ARHGAP6: variants seen among roughly 807,000 people sequenced by gnomAD.
ARHGAP6 encodes the protein rho GTPase-activating protein 6.
In ARHGAP6, 16 loss-of-function variants were observed where a neutral mutation model predicts 55.7. The observed-to-expected ratio is 0.29, with a 90% confidence interval of 0.19 to 0.44. The LOEUF (loss-of-function observed/expected upper bound fraction) is 0.44. Among genes scored for constraint, ARHGAP6 ranks in the 20% least tolerant of loss-of-function variants. The probability of loss-of-function intolerance (pLI) is 1.00; values close to 1 mark genes in which losing one functional copy is unlikely to be tolerated. For missense variants in ARHGAP6, 698 were observed against 808.9 expected, an observed-to-expected ratio of 0.86 and a Z score of 1.66; for synonymous variants, 382 against 360.9, an observed-to-expected ratio of 1.06 and a Z score of -0.66.
At chrX:11,287,442 T>C (rs1310210028) in intron 1 of ARHGAP6, among the ~76,000 whole-genome samples, 2 of 111,718 alleles carry the variant, frequency 1.8e-5, no homozygotes, top group African/African-American at 6.5e-5. Context: ...AGTCATCTGA[T>C]TGCTTTGTGT....
chrX:11,517,498 T>C, intron 1 of ARHGAP6, among the ~76,000 whole-genome samples: 1 of 111,705 alleles, frequency 9.0e-6, no homozygotes, highest in Middle Eastern at 4.6e-3. Flanking sequence ...ATGAATCCTT[T>C]CCACTTCCAT....
At chrX:11,477,106 A>G (rs1358317461) in intron 1 of ARHGAP6, among the ~76,000 whole-genome samples, 1 of 110,162 alleles carries the variant, frequency 9.1e-6, no homozygotes, top group Non-Finnish European at 1.9e-5. Flanking sequence ...GTATACAGAG[A>G]GATCTTACAA....
At chrX:11,494,523 A>G (rs1406543368) in intron 1 of ARHGAP6, among the ~76,000 whole-genome samples, 3 of 112,858 alleles carry the variant, frequency 2.7e-5, no homozygotes, top group African/African-American at 9.6e-5. Flanking sequence ...CCAAATCAAC[A>G]ACAGCAAATT....
At chrX:11,403,055 G>A (rs2049569105) in intron 1 of ARHGAP6, among the ~76,000 whole-genome samples, 1 of 112,061 alleles carries the variant, frequency 8.9e-6, no homozygotes, top group African/African-American at 3.2e-5. Context: ...GAAAGCCAAG[G>A]GGTTGAAATT....
chrX:11,590,193 T>C (rs2051787693), intron 1 of ARHGAP6, among the ~76,000 whole-genome samples: 1 of 111,663 alleles, frequency 9.0e-6, no homozygotes, highest in African/African-American at 3.3e-5. Flanking sequence ...TCTACTCAGA[T>C]TTGAGAAAGA....
rs2051813205 is a variant in ARHGAP6 at position 11,590,869 on chromosome X, G to GAAGGAAAGAAAGAAA, written c.588+73371_588+73372insTTTCTTTCTTTCCTT. The stretch of plus-strand genomic sequence containing the variant: ...AAGAAAAGAAAAGAAAAGAAAAGAA[G>GAAGGAAAGAAAGAAA]GAAAGAAAGAAAGAAAGAAAGAAAG... On this transcript the variant is annotated intron_variant, in intron 1 of 12. Transcript: ENST00000337414. Among the ~76,000 whole-genome samples, 38 of 24,207 alleles carry GAAGGAAAGAAAGAAA rather than the reference G, an allele frequency of 1.6e-3. 5 individuals carry two copies. The highest frequency in any genetic ancestry group is 5.5e-3 in the African/African-American group (26 of 4,712). 21.0% of individuals were successfully genotyped at this position (24,207 alleles called of 115,157 possible). A position where few individuals can be genotyped will look rare whatever the true frequency, so the allele number is the denominator to read the frequency against.
At chrX:11,591,327 T>TA (rs965190931) in intron 1 of ARHGAP6, among the ~76,000 whole-genome samples, 1 of 110,033 alleles carries the variant, frequency 9.1e-6, no homozygotes, top group African/African-American at 3.3e-5. Context: ...GATTACTTTT[T>TA]AACAACAGCC....
At chrX:11,519,784 A>T (rs975288490) in intron 1 of ARHGAP6, among the ~76,000 whole-genome samples, 4 of 107,904 alleles carry the variant, frequency 3.7e-5, no homozygotes, top group African/African-American at 1.4e-4. Context: ...GGCTAGCCAT[A>T]TGTAGAAAGC....
At chrX:11,407,854 G>A (rs2049629864) in intron 1 of ARHGAP6, among the ~76,000 whole-genome samples, 1 of 111,327 alleles carries the variant, frequency 9.0e-6, no homozygotes, top group South Asian at 3.8e-4. Flanking sequence ...ATATTCAAAG[G>A]AATAGTGTAG....
At chrX:11,392,889 T>C (rs1375766567) in intron 1 of ARHGAP6, among the ~76,000 whole-genome samples, 1 of 111,894 alleles carries the variant, frequency 8.9e-6, no homozygotes, top group East Asian at 2.8e-4. Context: ...GTATCTAAAA[T>C]GGGAAATAAG....
chrX:11,155,290 A>G (rs2045848144), intron 10 of ARHGAP6, among the ~76,000 whole-genome samples: 1 of 111,575 alleles, frequency 9.0e-6, no homozygotes. Flanking sequence ...CCATTATTTT[A>G]TTTATTTGTT....
At chrX:11,582,843 C>A (rs2051681431) in intron 1 of ARHGAP6, among the ~76,000 whole-genome samples, 1 of 110,352 alleles carries the variant, frequency 9.1e-6, no homozygotes, top group Admixed American at 9.7e-5. Context: ...ATACATGTGT[C>A]AAAACATCAC....
chrX:11,275,252 A>T (rs1396354532), intron 1 of ARHGAP6, among the ~76,000 whole-genome samples: 1 of 111,849 alleles, frequency 8.9e-6, no homozygotes, highest in Non-Finnish European at 1.9e-5. Flanking sequence ...TCTTATATAG[A>T]CAAATATTTA....
At position 11,147,751 on chromosome X, in the gene ARHGAP6, A is replaced by G. The variant is rs755417334; in HGVS notation, c.1908-3503T>C. 1.8e-3 allele frequency among the ~76,000 whole-genome samples: 198 copies of G among 112,928 alleles called. 1 individual carries two copies. Among genetic ancestry groups the G allele is most frequent in the African/African-American group, 6.2e-3 (194 of 31,080 alleles). ...AAAAACAAATTCTTATAATCCAGAA[A>G]TTCTGCAAGAAGACAGGGTGTGAAT... On this transcript the variant is annotated intron_variant, in intron 10 of 12. Transcript: ENST00000337414.
chrX:11,630,421 A>G (rs1406223092), intron 1 of ARHGAP6, among the ~76,000 whole-genome samples: 1 of 112,140 alleles, frequency 8.9e-6, no homozygotes, highest in Non-Finnish European at 1.9e-5. Flanking sequence ...CACTTATGAT[A>G]TAGATGCCTG....
intron 1 of ARHGAP6, among the ~76,000 whole-genome samples, chrX:11,552,037 A>C (rs1377912571): frequency 8.9e-6 from 1 of 112,089 alleles, no homozygotes; most frequent in Non-Finnish European, 1.9e-5. Flanking sequence ...AAACCTAGAA[A>C]AGGTATAAGG....
intron 1 of ARHGAP6, among the ~76,000 whole-genome samples, chrX:11,409,672 G>A (rs2049656820): frequency 1.8e-5 from 2 of 112,920 alleles, no homozygotes; most frequent in East Asian, 5.5e-4. Context: ...AAATTCATAT[G>A]TGGTTTTGTG....
At chrX:11,514,764 G>A (rs950499457) in intron 1 of ARHGAP6, among the ~76,000 whole-genome samples, 1 of 109,945 alleles carries the variant, frequency 9.1e-6, no homozygotes. Flanking sequence ...ACTTTCCAAA[G>A]TTCTTGATAA....
At chrX:11,479,135 T>C (rs891399789) in intron 1 of ARHGAP6, among the ~76,000 whole-genome samples, 1 of 112,371 alleles carries the variant, frequency 8.9e-6, no homozygotes, top group Non-Finnish European at 1.9e-5. Flanking sequence ...TAACAACTCA[T>C]GTAGTCTGTG....
Sources: gnomAD v4.1 joint callset for allele counts (sites outside exome capture counted in the v4.1 genomes callset) on GRCh38, gnomAD v4.1.1 for gene constraint, MANE v1.5 for transcripts, NCBI Gene and HGNC (gene_info 2026-07-23, HGNC 2026-07-21) for gene names.